The following FANCB variants were observed in gnomAD, a reference collection of about 807,000 sequenced individuals.
The protein encoded by FANCB is Fanconi anemia group B protein.
In FANCB, 5 loss-of-function variants were observed where a neutral mutation model predicts 38.9. The observed-to-expected ratio is 0.13, with a 90% CI of 0.07 to 0.27. The LOEUF (loss-of-function observed/expected upper bound fraction) is 0.27, where lower values mean the gene tolerates loss of function less well. FANCB is among the 10% of genes least tolerant of loss of function. The probability of loss-of-function intolerance (pLI) is 1.00; values close to 1 mark genes in which losing one functional copy is unlikely to be tolerated. For missense variants in FANCB, 573 were observed against 602.7 expected (o/e 0.95, Z 0.52); for synonymous variants, 236 against 215.4 (o/e 1.10, Z -0.84).
At position 14,864,859 on chromosome X, in the gene FANCB, C is replaced by G. The variant is rs747819351; in HGVS notation, c.652G>C (p.Glu218Gln). 8.3e-7 allele frequency: 1 copy of G among 1,210,040 alleles called. No individual in the cohort carries two copies. Among genetic ancestry groups the G allele is most frequent in the Admixed American group, 2.2e-5 (1 of 46,054 alleles). The change falls in exon 3 of 10, where the codon GAA becomes CAA. Residue 218 changes from glutamate to glutamine, a missense_variant. Transcript: ENST00000650831. ...ATATCACTTAATACTTCTTGACTTT[C>G]AAGAGAATATACACAAAATTTGGTA... is the stretch of plus-strand genomic sequence containing the variant. ...WNTKFCVYSL[E>Q]SQEVLSDIYI...
At chrX:14,866,086 C>G (rs1177097431) in intron 2 of FANCB, among the ~76,000 whole-genome samples, 2 of 111,643 alleles carry the variant, frequency 1.8e-5, no homozygotes, top group Non-Finnish European at 3.8e-5. Flanking sequence ...TTTCTAGAGA[C>G]AGGAGCCTAT....
chrX:14,717,253 A>G, the FANCB span, among the ~76,000 whole-genome samples: 104 of 109,484 alleles, frequency 9.5e-4, no homozygotes, highest in African/African-American at 3.1e-3. Context: ...CAGTGCATCA[A>G]GGTGAGAGAA....
chrX:14,690,687 G>T, the FANCB span: 1 of 1,026,285 alleles, frequency 9.7e-7, no homozygotes, highest in East Asian at 3.0e-5. Flanking sequence ...CTGTGTGTGT[G>T]TGTGTCTCTC....
At chrX:14,812,854 T>C in the FANCB span, among the ~76,000 whole-genome samples, 2 of 109,399 alleles carry the variant, frequency 1.8e-5, no homozygotes, top group East Asian at 2.9e-4. Context: ...CGGGCAGAGA[T>C]ACAACCAAAA....
At chrX:14,693,791 T>G in the FANCB span, among the ~76,000 whole-genome samples, 950 of 111,667 alleles carry the variant, frequency 8.5e-3, 9 homozygotes, top group African/African-American at 0.028. Context: ...AACTAGAACA[T>G]CTCTATAAAT....
At chrX:14,760,475 T>C in the FANCB span, among the ~76,000 whole-genome samples, 1 of 111,565 alleles carries the variant, frequency 9.0e-6, no homozygotes, top group African/African-American at 3.3e-5. Flanking sequence ...AGTTCTGGCA[T>C]TCTAGTGTGC....
At chrX:14,690,677 C>CTG in the FANCB span, 3,486 of 755,633 alleles carry the variant, frequency 4.6e-3, 65 homozygotes, top group African/African-American at 0.065. Flanking sequence ...CTCTCTCTCT[C>CTG]TGTGTGTGTG....
the FANCB span, among the ~76,000 whole-genome samples, chrX:14,770,350 A>G: frequency 8.9e-6 from 1 of 111,834 alleles, no homozygotes; most frequent in Non-Finnish European, 1.9e-5. Flanking sequence ...TATATTTAGG[A>G]TAGTTAGCTC....
the FANCB span, among the ~76,000 whole-genome samples, chrX:14,691,298 T>A: frequency 2.8e-3 from 293 of 104,919 alleles, no homozygotes; most frequent in Non-Finnish European, 4.5e-3. Flanking sequence ...TGTGTGTGTG[T>A]GTGTGTGTGT....
the FANCB span, among the ~76,000 whole-genome samples, chrX:14,704,821 TA>T: frequency 4.5e-5 from 5 of 111,464 alleles, no homozygotes; most frequent in South Asian, 3.7e-4. Flanking sequence ...AAGGGGCAGA[TA>T]AAAAAAACTG....
the FANCB span, among the ~76,000 whole-genome samples, chrX:14,710,894 TC>T: frequency 2.7e-5 from 3 of 112,279 alleles, no homozygotes; most frequent in African/African-American, 9.7e-5. Flanking sequence ...ATTCAACATT[TC>T]CAACAAATGG....
chrX:14,846,830 GAAAA>G (rs764339798), intron 7 of FANCB, among the ~76,000 whole-genome samples: 1 of 95,256 alleles, frequency 1.0e-5, no homozygotes, highest in Admixed American at 1.2e-4. Context: ...TACTTTGCAT[GAAAA>G]AAAAAAAAGA....
At chrX:14,690,889 A>G in the FANCB span, 33 of 1,192,564 alleles carry the variant, frequency 2.8e-5, no homozygotes, top group Admixed American at 4.4e-5. Flanking sequence ...CAGACAATGT[A>G]GAGCTTGAGT....
the FANCB span, chrX:14,730,147 C>T: frequency 1.2e-4 from 105 of 856,798 alleles, no homozygotes; most frequent in South Asian, 2.2e-3. Flanking sequence ...GAATTTTAAG[C>T]ATCTTCCATC....
chrX:14,852,548 C>T (rs1471163275), intron 6 of FANCB, among the ~76,000 whole-genome samples: 2 of 111,192 alleles, frequency 1.8e-5, no homozygotes, highest in African/African-American at 6.5e-5. Flanking sequence ...TAAAAAAACC[C>T]ATAGCAGTGT....
At chrX:14,773,815 G>A in the FANCB span, among the ~76,000 whole-genome samples, 1 of 111,580 alleles carries the variant, frequency 9.0e-6, no homozygotes, top group Non-Finnish European at 1.9e-5. Context: ...TCTCCATGAA[G>A]TGAAACCATC....
At chrX:14,797,876 G>A in the FANCB span, among the ~76,000 whole-genome samples, 1 of 110,383 alleles carries the variant, frequency 9.1e-6, no homozygotes, top group African/African-American at 3.3e-5. Context: ...TTTTTGACTT[G>A]GTATGTGATG....
At chrX:14,737,268 A>G in the FANCB span, among the ~76,000 whole-genome samples, 1 of 112,108 alleles carries the variant, frequency 8.9e-6, no homozygotes, top group South Asian at 3.7e-4. Context: ...ATGGAGTTCC[A>G]AGATGAAAGA....
At chrX:14,697,782 C>T in the FANCB span, among the ~76,000 whole-genome samples, 1 of 111,814 alleles carries the variant, frequency 8.9e-6, no homozygotes, top group Non-Finnish European at 1.9e-5. Flanking sequence ...AGGTTCTGTA[C>T]ACATAAAAAG....
Sources: gnomAD v4.1 joint callset for allele counts (sites outside exome capture counted in the v4.1 genomes callset) on GRCh38, gnomAD v4.1.1 for gene constraint, MANE v1.5 for transcripts, NCBI Gene and HGNC (gene_info 2026-07-23, HGNC 2026-07-21) for gene names.